Variants in GRM7 observed in about 807,000 individuals in gnomAD.
GRM7 encodes glutamate metabotropic receptor 7.
In GRM7, 35 loss-of-function variants were observed where a neutral mutation model predicts 84.5. That is an observed-to-expected ratio of 0.41 (90% confidence interval 0.32 to 0.55). GRM7 has a LOEUF of 0.55. Among genes scored for constraint, GRM7 ranks in the 20% least tolerant of loss-of-function variants. The probability of loss-of-function intolerance (pLI) is 0.19; values close to 1 mark genes in which losing one functional copy is unlikely to be tolerated. For missense variants in GRM7, 1,003 were observed against 1,194.6 expected (o/e 0.84, Z 2.36); for synonymous variants, 487 against 455.1 (o/e 1.07, Z -0.89).
intron 2 of GRM7, among the ~76,000 whole-genome samples, chr3:7,218,621 G>A (rs7610648): frequency 0.38 from 57,150 of 151,592 alleles, 11,098 homozygotes; most frequent in African/African-American, 0.45. Context: ...AGTGTAAAGC[G>A]ATAAATCATT....
chr3:7,395,903 G>A (rs60657503), intron 4 of GRM7, among the ~76,000 whole-genome samples: 2,305 of 152,168 alleles, frequency 0.015, 60 homozygotes, highest in African/African-American at 0.053. Flanking sequence ...TCTAGGAGGA[G>A]AATATTCAAT....
At chr3:6,956,375 T>C (rs547997420) in intron 1 of GRM7, among the ~76,000 whole-genome samples, 2 of 152,316 alleles carry the variant, frequency 1.3e-5, no homozygotes, top group South Asian at 4.1e-4. Flanking sequence ...TGATGTGGTT[T>C]CTAATTCACA....
In GRM7 at chr3:7,187,574, C is replaced by T. The variant is rs143814470; in HGVS notation, c.736+40906C>T. On this transcript the variant is annotated intron_variant, in intron 2 of 9. Transcript: ENST00000357716. The stretch of plus-strand genomic sequence containing the variant: ...AGCAACAGTGTTACAGGTCTGATGG[C>T]GTTGCAGCTCCGTGATTGCTCCTGC... Among the ~76,000 whole-genome samples, 938 of 152,296 alleles carry T rather than the reference C, an allele frequency of 6.2e-3. 5 individuals carry two copies. Among genetic ancestry groups the T allele is most frequent in the Middle Eastern group, 0.024 (7 of 294 alleles).
At chr3:7,417,042 C>A (rs911458159) in intron 5 of GRM7, among the ~76,000 whole-genome samples, 9 of 152,066 alleles carry the variant, frequency 5.9e-5, no homozygotes, top group African/African-American at 2.2e-4. Context: ...TAAACACAGG[C>A]TGTTTTATGT....
chr3:6,882,069 C>T (rs1339982503), intron 1 of GRM7, among the ~76,000 whole-genome samples: 1 of 152,012 alleles, frequency 6.6e-6, no homozygotes, highest in East Asian at 1.9e-4. Flanking sequence ...TCATCCTCTA[C>T]CTCTCATCCA....
chr3:7,469,257 G>C (rs774017805), intron 7 of GRM7, among the ~76,000 whole-genome samples: 2 of 152,184 alleles, frequency 1.3e-5, no homozygotes, highest in South Asian at 2.1e-4. Context: ...GGATTCATTT[G>C]AGAACTTGGT....
chr3:7,633,508 G>A (rs749040259), intron 8 of GRM7, among the ~76,000 whole-genome samples: 5 of 152,236 alleles, frequency 3.3e-5, no homozygotes, highest in South Asian at 2.1e-4. Flanking sequence ...GTAAGAAGCC[G>A]AGTGGGGCTG....
intron 9 of GRM7, among the ~76,000 whole-genome samples, chr3:7,706,259 G>C (rs973451589): frequency 6.6e-6 from 1 of 152,146 alleles, no homozygotes. Flanking sequence ...CTATGGAGTA[G>C]AGTGAAATTT....
chr3:7,337,422 T>G (rs1701463110), intron 4 of GRM7, among the ~76,000 whole-genome samples: 1 of 152,074 alleles, frequency 6.6e-6, no homozygotes, highest in African/African-American at 2.4e-5. Context: ...TGGGACTTAA[T>G]TTAGCAAAAA....
At chr3:7,228,104 C>T (rs982953937) in intron 2 of GRM7, among the ~76,000 whole-genome samples, 1 of 152,152 alleles carries the variant, frequency 6.6e-6, no homozygotes, top group Non-Finnish European at 1.5e-5. Flanking sequence ...GTCCATAAAT[C>T]TGGTGAGTGA....
intron 1 of GRM7, among the ~76,000 whole-genome samples, chr3:6,957,565 G>C (rs62235450): frequency 6.6e-6 from 1 of 152,044 alleles, no homozygotes; most frequent in Non-Finnish European, 1.5e-5. Flanking sequence ...TGTTTTACTG[G>C]TTTCTGCATA....
At chr3:7,400,494 A>G (rs1695404201) in intron 4 of GRM7, among the ~76,000 whole-genome samples, 2 of 152,260 alleles carry the variant, frequency 1.3e-5, no homozygotes, top group South Asian at 2.1e-4. Flanking sequence ...TCTGTACATC[A>G]AACACCCATT....
At chr3:7,599,095 C>T (rs1696186860) in intron 8 of GRM7, among the ~76,000 whole-genome samples, 1 of 152,134 alleles carries the variant, frequency 6.6e-6, no homozygotes, top group South Asian at 2.1e-4. Flanking sequence ...ACAGAGACTT[C>T]TATCTCAGTG....
chr3:7,012,940 A>T (rs976501339), intron 1 of GRM7, among the ~76,000 whole-genome samples: 1 of 152,148 alleles, frequency 6.6e-6, no homozygotes, highest in Non-Finnish European at 1.5e-5. Flanking sequence ...GGGTCTCAGT[A>T]TGTTGTCCAG....
rs149266463 is a variant in GRM7, at chr3:7,685,642, T to G, written c.2698+5347T>G. Among the ~76,000 whole-genome samples the G allele has an allele frequency of 5.5e-4, 84 of 152,270 alleles. 1 individual carries two copies. Among genetic ancestry groups the G allele is most frequent in the African/African-American group, 1.8e-3 (75 of 41,548 alleles). ...TGTACCTGAAATACAAAATAAGATA[T>G]GGAATTGTATTCTGATGGTGTTTTT... On this transcript the variant is annotated intron_variant, in intron 9 of 9. Transcript: ENST00000357716.
intron 2 of GRM7, among the ~76,000 whole-genome samples, chr3:7,257,199 G>A (rs1380751696): frequency 6.6e-6 from 1 of 152,180 alleles, no homozygotes; most frequent in Non-Finnish European, 1.5e-5. Flanking sequence ...TAAGAAGGGT[G>A]TTTTCTATGG....
At chr3:7,291,189 G>C (rs9823634) in intron 2 of GRM7, among the ~76,000 whole-genome samples, 2,176 of 151,758 alleles carry the variant, frequency 0.014, 56 homozygotes, top group African/African-American at 0.05. Context: ...TACTGAGCTT[G>C]GAATGTTTTG....
At chr3:7,474,564 A>G (rs1162335789) in intron 7 of GRM7, among the ~76,000 whole-genome samples, 1 of 152,112 alleles carries the variant, frequency 6.6e-6, no homozygotes, top group Non-Finnish European at 1.5e-5. Context: ...ATTCCTGGAA[A>G]CAAGTTCCAG....
At chr3:7,296,883 A>C (rs1048936633) in intron 2 of GRM7, among the ~76,000 whole-genome samples, 3 of 150,660 alleles carry the variant, frequency 2.0e-5, no homozygotes, top group Non-Finnish European at 4.4e-5. Flanking sequence ...TCGTGGGCTT[A>C]AGTGACTCTC....
Sources: gnomAD v4.1 joint callset for allele counts (sites outside exome capture counted in the v4.1 genomes callset) on GRCh38, gnomAD v4.1.1 for gene constraint, MANE v1.5 for transcripts, NCBI Gene and HGNC (gene_info 2026-07-23, HGNC 2026-07-21) for gene names.